Variants in RADIL observed in about 807,000 individuals in gnomAD.
The protein encoded by RADIL is ras-associating and dilute domain-containing protein.
In RADIL, 99 loss-of-function variants were observed where a neutral mutation model predicts 97.6. The observed-to-expected ratio is 1.01, with a 90% CI of 0.86 to 1.20. RADIL has a LOEUF of 1.20. Among genes scored for constraint, RADIL ranks in the 50% most tolerant of loss-of-function variants. The pLI is 0.00. For synonymous variants in RADIL, 803 were observed against 691.8 expected (o/e 1.16, Z -2.52); for missense variants, 1,765 against 1,498.9 (o/e 1.18, Z -2.93).
rs370249366 is a variant in RADIL, at chr7:4,799,504, G to A, written c.3123-21C>T. The A allele has an allele frequency of 9.3e-6, 15 of 1,613,612 alleles. No individual in the cohort carries two copies. The African/African-American group carries it at 1.1e-4, about 11-fold the overall frequency. The stretch of plus-strand genomic sequence containing the variant: ...CAGCTCTGAAATCCATGCCAGAGGT[G>A]GGGGTGGGCAGGAGGGCACCAGGGG... On this transcript the variant is annotated intron_variant, in intron 14 of 14. Transcript: ENST00000399583.
Position 4,840,848 on chromosome 7 carries a change from T to C in RADIL, c.536-4243A>G, listed in dbSNP as rs1783420721. Among the ~76,000 whole-genome samples, 1 of 152,088 alleles carries C rather than the reference T, an allele frequency of 6.6e-6. No homozygotes were observed. Among genetic ancestry groups the C allele is most frequent in the African/African-American group, 2.4e-5 (1 of 41,396 alleles). ...TGGGCGTGGAGGTGGGCGCCTGTAG[T>C]CCCGGCTACTCGAGAGGCTGAGGCA... On this transcript the variant is annotated intron_variant, in intron 2 of 14. Coordinates refer to ENST00000399583, the MANE Select transcript of RADIL (RefSeq NM_018059.5). The surrounding 1 kb of genome is among the most constrained non-coding windows in gnomAD (Gnocchi z 5.6).
chr7:4,825,137 G>A (rs893174780), intron 5 of RADIL, among the ~76,000 whole-genome samples: 2 of 152,188 alleles, frequency 1.3e-5, no homozygotes, highest in African/African-American at 2.4e-5. Flanking sequence ...GGCACTCGGG[G>A]GGGGACAGCA....
intron 2 of RADIL, among the ~76,000 whole-genome samples, chr7:4,870,317 A>G (rs532840571): frequency 6.6e-5 from 10 of 152,366 alleles, no homozygotes; most frequent in Admixed American, 1.3e-4. Context: ...ATTCTCTGTC[A>G]GTATATTCTC....
chr7:4,866,107 A>C (rs1275064445), intron 2 of RADIL, among the ~76,000 whole-genome samples: 1 of 152,076 alleles, frequency 6.6e-6, no homozygotes, highest in African/African-American at 2.4e-5. Context: ...ATGTTTTTTG[A>C]GTGATTATAT....
At position 4,799,046 on chromosome 7, in the gene RADIL, C is replaced by T. The variant is rs1004908621; in HGVS notation, c.*332G>A. The T allele has an allele frequency of 9.0e-5, 27 of 301,592 alleles. No homozygotes were observed. Among genetic ancestry groups the T allele is most frequent in the Non-Finnish European group, 1.4e-4 (22 of 156,542 alleles). The allele number at this position is 301,592 out of a possible 1,614,324, so 18.7% of individuals were successfully genotyped here. ...AGGCAGAGGCCATGGGGAGCCCCTG[C>T]GGCCCCTCCGAGCAGCCCACGCCTG... is the stretch of plus-strand genomic sequence containing the variant. On this transcript the variant is annotated 3_prime_UTR_variant, in exon 15 of 15. Transcript: ENST00000399583.
chr7:4,809,427 C>G (rs917581351), intron 9 of RADIL: 2 of 985,322 alleles, frequency 2.0e-6, no homozygotes, highest in African/African-American at 3.5e-5. Flanking sequence ...TCCGTGCACA[C>G]AGGAAACCAC....
In RADIL at chr7:4,822,247, C is replaced by T. The variant is rs182150018; in HGVS notation, c.1615+147G>A. 76 of 1,075,746 alleles carry T rather than the reference C, an allele frequency of 7.1e-5. 2 individuals carry two copies. The South Asian group carries it at 7.4e-4, about 10-fold the overall frequency. 66.6% of individuals were successfully genotyped at this position (1,075,746 alleles called of 1,614,324 possible). ...TCACAGGCCGTCCCCGAGCAACTGA[C>T]ACATGGCAGCCTAGGGACTGAGGAA... is the stretch of plus-strand genomic sequence containing the variant. On this transcript the variant is annotated intron_variant, in intron 6 of 14. Transcript: ENST00000399583. This position sits in a 1 kb window ranked among gnomAD's most constrained non-coding sequence, Gnocchi z 5.3.
rs1388764581 is a variant in RADIL at position 4,849,522 on chromosome 7, T to G, written c.536-12917A>C. Among the ~76,000 whole-genome samples the G allele has an allele frequency of 1.3e-5, 2 of 152,110 alleles. No individual in the cohort carries two copies. The highest frequency in any genetic ancestry group is 1.3e-4 in the Admixed American group (2 of 15,260). ...TGTGAGGCTACAGCTTGGTTTTTGT[T>G]GCCTGGGGCAAGGTTCTGAAACATT... On this transcript the variant is annotated intron_variant, in intron 2 of 14. Coordinates refer to ENST00000399583, the MANE Select transcript of RADIL (RefSeq NM_018059.5). The surrounding 1 kb of genome is among the most constrained non-coding windows in gnomAD (Gnocchi z 5.4).
chr7:4,802,881 G>A (rs1269123860), intron 11 of RADIL, among the ~76,000 whole-genome samples: 26 of 114,076 alleles, frequency 2.3e-4, no homozygotes, highest in South Asian at 6.5e-4. Context: ...GGGGCACTCT[G>A]GCTGGGGGGC....
intron 9 of RADIL, among the ~76,000 whole-genome samples, chr7:4,812,578 C>G (rs184738594): frequency 4.9e-4 from 74 of 152,252 alleles, no homozygotes; most frequent in African/African-American, 1.7e-3. Flanking sequence ...CGTGCCACCA[C>G]GCCCAGCTAA....
chr7:4,816,231 T>C lies in RADIL; in HGVS notation c.1963A>G (p.Arg655Gly), dbSNP rs188234794. ...GTLLLNQLLD[R>G]GPSLSCFHWP... Reference sequence around the variant, plus strand: ...CAACCCTGCACGAGGCCCTCACCCCTGTCGAGGAGCTGGTTGAGAAGCAGT... The same window carrying C: ...CAACCCTGCACGAGGCCCTCACCCCCGTCGAGGAGCTGGTTGAGAAGCAGT... Residue 655 changes from arginine to glycine, a missense_variant, in exon 8 of 15, where the codon AGG becomes GGG. Physicochemically the swap from Arg to Gly is moderately radical, Grantham distance 125. Transcript: ENST00000399583. 4.8e-4 allele frequency: 779 copies of C among 1,608,848 alleles called. 3 individuals carry two copies. The African/African-American group carries it at 9.3e-3, about 19-fold the overall frequency.
In RADIL at chr7:4,875,109, G is replaced by A. The variant is rs1244120190; in HGVS notation, c.535+2496C>T. ...CGGGAGGCTGAGGCAGGAGAATGGCGTGAACCCGGGAGGCGGAGCTTGCAG... is the reference window on the plus strand; with the variant it reads ...CGGGAGGCTGAGGCAGGAGAATGGCATGAACCCGGGAGGCGGAGCTTGCAG... On this transcript the variant is annotated intron_variant, in intron 2 of 14. Transcript: ENST00000399583. 2.0e-4 allele frequency among the ~76,000 whole-genome samples: 28 copies of A among 141,180 alleles called. 1 individual carries two copies. Among genetic ancestry groups the A allele is most frequent in the African/African-American group, 4.8e-4 (15 of 31,560 alleles). The allele number at this position is 141,180 out of a possible 152,430, so 92.6% of individuals were successfully genotyped here.
rs1782773130 is a variant in RADIL at position 4,819,585 on chromosome 7, T to G, written c.1616-2234A>C. Among the ~76,000 whole-genome samples the G allele has an allele frequency of 6.6e-6, 1 of 152,088 alleles. No homozygotes were observed. Among genetic ancestry groups the G allele is most frequent in the Admixed American group, 6.5e-5 (1 of 15,272 alleles). The stretch of plus-strand genomic sequence containing the variant: ...CGAGGAGAATCTGAGGCGCACACGA[T>G]GGTGTGAGGCGGCGCGGGAGGGGCC... On this transcript the variant is annotated intron_variant, in intron 6 of 14. Transcript: ENST00000399583. This position sits in a 1 kb window ranked among gnomAD's most constrained non-coding sequence, Gnocchi z 5.8.
intron 2 of RADIL, among the ~76,000 whole-genome samples, chr7:4,838,512 C>A (rs1165298504): frequency 1.3e-5 from 2 of 152,116 alleles, no homozygotes; most frequent in Non-Finnish European, 2.9e-5. Context: ...GGGGCTGCAG[C>A]CCCAGGCAAG....
Position 4,801,851 on chromosome 7 carries a change from C to T in RADIL, c.2644G>A (p.Gly882Arg), listed in dbSNP as rs574597579. The T allele has an allele frequency of 2.5e-6, 4 of 1,597,424 alleles. No homozygotes were observed. The East Asian group carries it at 6.8e-5, about 27-fold the overall frequency. ...RGAPWAQAPPGRQPSRGGSQA... is the reference protein window; with the variant it reads ...RGAPWAQAPPRRQPSRGGSQA... ...GAGCCCCCACGGCTGGGTTGCCTTC[C>T]AGGGGGGGCCTGTGCCCAGGGAGCC... Residue 882 changes from glycine to arginine, a missense_variant, in exon 12 of 15, where the codon GGA (glycine) becomes AGA (arginine). Gly to Arg is a moderately radical substitution (Grantham distance 125, BLOSUM62 -2). Coordinates refer to ENST00000399583, the MANE Select transcript of RADIL (RefSeq NM_018059.5).
rs371391403 is a variant in RADIL at position 4,801,744 on chromosome 7, G to A, written c.2751C>T (p.Pro917=). 1.7e-5 allele frequency: 28 copies of A among 1,610,278 alleles called. No homozygotes were observed. The highest frequency in any genetic ancestry group is 5.5e-5 in the South Asian group (5 of 90,710). Residue 917 remains proline (P), a synonymous_variant, in exon 12 of 15, where the codon CCC becomes CCT. Coordinates refer to ENST00000399583, the MANE Select transcript of RADIL (RefSeq NM_018059.5). ...STPLGPEPGD[P]DWPESGGPCG... is the part of the protein sequence containing the mutation. ...AGGGGCCGCCGGACTCTGGCCAGTCGGGGTCCCCAGGCTCAGGGCCAAGTG... is the reference window on the plus strand; with the variant it reads ...AGGGGCCGCCGGACTCTGGCCAGTCAGGGTCCCCAGGCTCAGGGCCAAGTG...
At position 4,835,568 on chromosome 7, in the gene RADIL, T is replaced by G. The variant is rs1783272711; in HGVS notation, c.784-329A>C. On this transcript the variant is annotated intron_variant, in intron 3 of 14. Transcript: ENST00000399583. This position sits in a 1 kb window ranked among gnomAD's most constrained non-coding sequence, Gnocchi z 5.8. ...AGACCGGGCCAAGGACTACATAACTTCCCCCAAGTCATCCCCAAAACTGTG... is the reference window on the plus strand; with the variant it reads ...AGACCGGGCCAAGGACTACATAACTGCCCCCAAGTCATCCCCAAAACTGTG... 6.6e-6 allele frequency among the ~76,000 whole-genome samples: 1 copy of G among 151,388 alleles called. No individual in the cohort carries two copies. Among genetic ancestry groups the G allele is most frequent in the Non-Finnish European group, 1.5e-5 (1 of 67,928 alleles).
chr7:4,799,124 T>G lies in RADIL; in HGVS notation c.*254A>C. On this transcript the variant is annotated 3_prime_UTR_variant, in exon 15 of 15. Coordinates refer to ENST00000399583, the MANE Select transcript of RADIL (RefSeq NM_018059.5). ...ACCCTCTAAGAACGGGAAAAATAGT[T>G]TATTGAACCGTACTTCTCCATTGAA... 2.0e-6 allele frequency: 1 copy of G among 489,952 alleles called. No individual in the cohort carries two copies. Among genetic ancestry groups the G allele is most frequent in the Non-Finnish European group, 3.7e-6 (1 of 270,018 alleles). The allele number at this position is 489,952 out of a possible 1,614,324, so 30.4% of individuals were successfully genotyped here. A position where few individuals can be genotyped will look rare whatever the true frequency, so the allele number is the denominator to read the frequency against.
At chr7:4,882,602 T>C (rs543903105) in intron 1 of RADIL, among the ~76,000 whole-genome samples, 4 of 152,280 alleles carry the variant, frequency 2.6e-5, no homozygotes, top group African/African-American at 4.8e-5. Flanking sequence ...TGGAACCCAT[T>C]ATCATTTCCA....
Sources: gnomAD v4.1 joint callset for allele counts (sites outside exome capture counted in the v4.1 genomes callset) on GRCh38, gnomAD v4.1.1 for gene constraint, Gnocchi (gnomAD v3.1) non-coding constraint, MANE v1.5 for transcripts, NCBI Gene and HGNC (gene_info 2026-07-23, HGNC 2026-07-21) for gene names.